Variants in ZNF804A observed in about 807,000 individuals in gnomAD.
ZNF804A encodes the protein zinc finger protein 804A.
A neutral mutation model predicts 16.5 loss-of-function variants in ZNF804A; 2 were observed. That is an observed-to-expected ratio of 0.12 (90% CI 0.05 to 0.38). The LOEUF is 0.38. Ranked by LOEUF, ZNF804A falls within the 10% of genes least tolerant of loss-of-function variation. The pLI is 0.99. For missense variants in ZNF804A, 1,473 were observed against 1,390.7 expected (o/e 1.06, Z -0.94); for synonymous variants, 534 against 489.6 (o/e 1.09, Z -1.20).
At chr2:184,642,076 T>C (rs993322011) in intron 1 of ZNF804A, among the ~76,000 whole-genome samples, 5 of 152,150 alleles carry the variant, frequency 3.3e-5, no homozygotes, top group Admixed American at 1.3e-4. Flanking sequence ...TCTTGATGTT[T>C]CTCATTCACA....
At position 184,757,067 on chromosome 2, in the gene ZNF804A, A is replaced by G. The variant is rs145785684; in HGVS notation, c.112-109302A>G. Among the ~76,000 whole-genome samples, 302 of 152,064 alleles carry G rather than the reference A, an allele frequency of 2.0e-3. 1 individual carries two copies. Among genetic ancestry groups the G allele is most frequent in the African/African-American group, 6.9e-3 (286 of 41,530 alleles). On this transcript the variant is annotated intron_variant, in intron 1 of 3. Coordinates refer to ENST00000302277, the MANE Select transcript of ZNF804A (RefSeq NM_194250.2). ...GTCTCCACTAAATTCTTGCTTTCTC[A>G]TGCTGAGCTGTCATATTAATTTATC...
At chr2:184,867,937 A>C (rs1237523484) in intron 2 of ZNF804A, among the ~76,000 whole-genome samples, 1 of 152,102 alleles carries the variant, frequency 6.6e-6, no homozygotes, top group Non-Finnish European at 1.5e-5. Context: ...TGTTATAAGA[A>C]TATCTATTAT....
chr2:184,739,801 T>A (rs922477404), intron 1 of ZNF804A, among the ~76,000 whole-genome samples: 1 of 152,214 alleles, frequency 6.6e-6, no homozygotes, highest in African/African-American at 2.4e-5. Flanking sequence ...TCTTCAGATC[T>A]TACATGTTTT....
chr2:184,821,088 A>G (rs1695071461), intron 1 of ZNF804A, among the ~76,000 whole-genome samples: 1 of 152,184 alleles, frequency 6.6e-6, no homozygotes, highest in African/African-American at 2.4e-5. Flanking sequence ...TATGGAACCA[A>G]GAAAGAGCCC....
intron 2 of ZNF804A, among the ~76,000 whole-genome samples, chr2:184,880,289 T>C (rs1470020923): frequency 6.6e-6 from 1 of 152,124 alleles, no homozygotes; most frequent in Non-Finnish European, 1.5e-5. Context: ...ATGACAGCTT[T>C]ACCCTAAGCA....
chr2:184,860,406 A>T (rs1695781027), intron 1 of ZNF804A, among the ~76,000 whole-genome samples: 2 of 152,236 alleles, frequency 1.3e-5, no homozygotes, highest in East Asian at 3.8e-4. Context: ...GTCTAGGACC[A>T]CAAGAACTGG....
intron 1 of ZNF804A, among the ~76,000 whole-genome samples, chr2:184,846,497 A>T (rs1695519015): frequency 6.6e-6 from 1 of 152,114 alleles, no homozygotes; most frequent in Non-Finnish European, 1.5e-5. Context: ...ATATTAAAAA[A>T]TTATATGTAT....
intron 1 of ZNF804A, among the ~76,000 whole-genome samples, chr2:184,746,116 C>A (rs953459066): frequency 5.3e-5 from 8 of 151,446 alleles, no homozygotes; most frequent in Admixed American, 3.3e-4. Context: ...AATACATACA[C>A]ACATATTTGA....
chr2:184,888,619 G>A (rs1383270246), intron 2 of ZNF804A, among the ~76,000 whole-genome samples: 2 of 152,134 alleles, frequency 1.3e-5, no homozygotes, highest in South Asian at 2.1e-4. Context: ...TTAAACATCA[G>A]TATGTCAGAA....
chr2:184,739,815 CT>C (rs1693686843), intron 1 of ZNF804A, among the ~76,000 whole-genome samples: 1 of 152,154 alleles, frequency 6.6e-6, no homozygotes, highest in Admixed American at 6.5e-5. Flanking sequence ...ATGTTTTAGC[CT>C]TTTTGTCTCT....
chr2:184,615,476 C>T (rs1166683369), intron 1 of ZNF804A, among the ~76,000 whole-genome samples: 1 of 152,138 alleles, frequency 6.6e-6, no homozygotes, highest in Non-Finnish European at 1.5e-5. Flanking sequence ...CTTTAACTCT[C>T]ACAATTAATT....
Position 184,725,051 on chromosome 2 carries a change from C to T in ZNF804A, c.111+125981C>T, listed in dbSNP as rs563294793. On this transcript the variant is annotated intron_variant, in intron 1 of 3. Transcript: ENST00000302277. ...TATAATTATTTTTTGAGAATTAAGG[C>T]TTTCACTATTGAATATTAGAATAAG... Among the ~76,000 whole-genome samples, 209 of 151,790 alleles carry T rather than the reference C, an allele frequency of 1.4e-3. 2 individuals carry two copies. The highest frequency in any genetic ancestry group is 4.3e-3 in the African/African-American group (180 of 41,526).
chr2:184,762,689 T>G (rs1361619607), intron 1 of ZNF804A, among the ~76,000 whole-genome samples: 1 of 152,038 alleles, frequency 6.6e-6, no homozygotes, highest in Non-Finnish European at 1.5e-5. Context: ...TATCTGAGTT[T>G]TTAATTATAT....
chr2:184,755,011 AG>A (rs1693937284), intron 1 of ZNF804A, among the ~76,000 whole-genome samples: 1 of 151,818 alleles, frequency 6.6e-6, no homozygotes, highest in Admixed American at 6.6e-5. Flanking sequence ...ACCTCCCACT[AG>A]GTCCCACCCC....
At chr2:184,776,537 TTCTC>T (rs541308362) in intron 1 of ZNF804A, among the ~76,000 whole-genome samples, 47 of 151,490 alleles carry the variant, frequency 3.1e-4, no homozygotes, top group Non-Finnish European at 6.8e-4. Flanking sequence ...TGTGTAATTA[TTCTC>T]TCTGTCAGAA....
At chr2:184,874,713 GTC>G (rs1031379906) in intron 2 of ZNF804A, among the ~76,000 whole-genome samples, 26 of 152,124 alleles carry the variant, frequency 1.7e-4, no homozygotes, top group African/African-American at 6.3e-4. Flanking sequence ...ATATTTCCAT[GTC>G]TCTTTCTCTT....
At chr2:184,760,009 G>A (rs147109362) in intron 1 of ZNF804A, among the ~76,000 whole-genome samples, 18 of 152,196 alleles carry the variant, frequency 1.2e-4, no homozygotes, top group Non-Finnish European at 2.1e-4. Context: ...TCATAGGGAC[G>A]TGAACTCGCT....
chr2:184,612,697 AG>A (rs1286323705), intron 1 of ZNF804A, among the ~76,000 whole-genome samples: 1 of 152,162 alleles, frequency 6.6e-6, no homozygotes, highest in Non-Finnish European at 1.5e-5. Context: ...GGCCTCCCAA[AG>A]GATGTGATTT....
chr2:184,643,701 A>T (rs530304712), intron 1 of ZNF804A, among the ~76,000 whole-genome samples: 1 of 151,702 alleles, frequency 6.6e-6, no homozygotes, highest in Admixed American at 6.6e-5. Context: ...ATTTTTGTAC[A>T]TGTAAATTAT....
Sources: gnomAD v4.1 joint callset for allele counts (sites outside exome capture counted in the v4.1 genomes callset) on GRCh38, gnomAD v4.1.1 for gene constraint, MANE v1.5 for transcripts, NCBI Gene and HGNC (gene_info 2026-07-23, HGNC 2026-07-21) for gene names.